The following TMEM117 variants were observed in gnomAD, a reference collection of about 807,000 sequenced individuals.
The protein encoded by TMEM117 is transmembrane protein 117.
Under a neutral mutation model 52.4 loss-of-function variants are expected in TMEM117, and 27 were observed. That is an observed-to-expected ratio of 0.51 (90% confidence interval 0.38 to 0.71). TMEM117 has a LOEUF of 0.71. Ranked by LOEUF, TMEM117 falls within the 30% of genes least tolerant of loss-of-function variation. The probability of loss-of-function intolerance (pLI) is 0.00; values close to 1 mark genes in which losing one functional copy is unlikely to be tolerated. For missense variants in TMEM117, 556 were observed against 630.5 expected, an observed-to-expected ratio of 0.88 and a Z score of 1.26; for synonymous variants, 215 against 206.3, an observed-to-expected ratio of 1.04 and a Z score of -0.36.
At chr12:44,028,727 C>G (rs1026954136) in intron 3 of TMEM117, among the ~76,000 whole-genome samples, 1 of 152,174 alleles carries the variant, frequency 6.6e-6, no homozygotes, top group African/African-American at 2.4e-5. Context: ...ACCAGCAGCC[C>G]TTGGGACTGC....
At chr12:44,350,182 T>A (rs1951542158) in intron 6 of TMEM117, among the ~76,000 whole-genome samples, 1 of 152,004 alleles carries the variant, frequency 6.6e-6, no homozygotes, top group African/African-American at 2.4e-5. Context: ...TACATACTCT[T>A]TAATTTTTAA....
chr12:44,210,725 G>A (rs770587986), intron 4 of TMEM117, among the ~76,000 whole-genome samples: 1 of 152,144 alleles, frequency 6.6e-6, no homozygotes, highest in Non-Finnish European at 1.5e-5. Flanking sequence ...GGCCTCGGAA[G>A]ATGGGCAGAA....
Position 44,388,757 on chromosome 12 carries a change from G to T in TMEM117, c.*85G>T, listed in dbSNP as rs914660803. On this transcript the variant is annotated 3_prime_UTR_variant, in exon 8 of 8. Transcript: ENST00000266534. ...TAGTCTTTCCTTTTGTATATGTAAG[G>T]TTTACGTAGTGTTAGGTAAAAATAT... 7.0e-7 allele frequency: 1 copy of T among 1,435,544 alleles called. No homozygotes were observed. The highest frequency in any genetic ancestry group is 1.4e-5 in the African/African-American group (1 of 70,068). The allele number at this position is 1,435,544 out of a possible 1,614,324, so 88.9% of individuals were successfully genotyped here.
intron 3 of TMEM117, among the ~76,000 whole-genome samples, chr12:44,021,191 A>C (rs746263643): frequency 1.7e-4 from 26 of 152,116 alleles, no homozygotes; most frequent in Non-Finnish European, 3.2e-4. Context: ...TTTGTTGTAC[A>C]GATTATTTCA....
chr12:44,373,904 C>T (rs1391620925), intron 6 of TMEM117, among the ~76,000 whole-genome samples: 2 of 150,762 alleles, frequency 1.3e-5, no homozygotes, highest in Non-Finnish European at 2.9e-5. Flanking sequence ...GCCTCAGCCT[C>T]CAGAGTAGCT....
intron 5 of TMEM117, among the ~76,000 whole-genome samples, chr12:44,249,856 G>T (rs766334259): frequency 2.0e-5 from 3 of 152,190 alleles, no homozygotes; most frequent in Non-Finnish European, 4.4e-5. Flanking sequence ...ATGGATTAAA[G>T]ACTTAATTGT....
At position 44,211,319 on chromosome 12, in the gene TMEM117, C is replaced by G; in HGVS notation, c.540C>G (p.Pro180=). The change falls in exon 5 of 8, where the codon CCC becomes CCG. Residue 180 remains proline, a synonymous_variant. Transcript: ENST00000266534. ...CTGATATGATGCTTCAGGACAAACC[C>G]TATCCTGACTGGGGAAAATCAGCAA... ...MVTDMMLQDK[P]YPDWGKSARA... is the part of the protein sequence containing the mutation. 1 of 1,612,216 alleles carries G rather than the reference C, an allele frequency of 6.2e-7. No individual in the cohort carries two copies. Among genetic ancestry groups the G allele is most frequent in the Non-Finnish European group, 8.5e-7 (1 of 1,178,992 alleles).
At chr12:44,390,199 G>GACACACACACACACAC (rs58917894), downstream of TMEM117, among the ~76,000 whole-genome samples, 4 of 143,690 alleles carry the variant, frequency 2.8e-5, no homozygotes, top group Non-Finnish European at 6.2e-5. Context: ...AAACATATCT[G>GACACACACACACACAC]ACACACACAC....
intron 3 of TMEM117, chr12:44,010,285 T>C: frequency 2.2e-6 from 1 of 454,848 alleles, no homozygotes; most frequent in Middle Eastern, 3.3e-4. Flanking sequence ...CTGGCTTCCC[T>C]GGAGGCCACT....
chr12:43,804,195 C>G, the TMEM117 span: 1 of 445,752 alleles, frequency 2.2e-6, no homozygotes, highest in Non-Finnish European at 4.4e-6. Context: ...GATTTCCATT[C>G]CAGAGATGGA....
intron 2 of TMEM117, among the ~76,000 whole-genome samples, chr12:43,879,401 T>A (rs1472230022): frequency 6.6e-6 from 1 of 152,230 alleles, no homozygotes; most frequent in Non-Finnish European, 1.5e-5. Context: ...ACTCCATTGC[T>A]CCCTGTTGGT....
At chr12:43,969,156 A>G (rs929845611) in intron 3 of TMEM117, among the ~76,000 whole-genome samples, 1 of 151,988 alleles carries the variant, frequency 6.6e-6, no homozygotes, top group Non-Finnish European at 1.5e-5. Flanking sequence ...TCAAGAAAAG[A>G]TAGAAGCAAA....
intron 5 of TMEM117, among the ~76,000 whole-genome samples, chr12:44,290,552 C>A (rs1467950686): frequency 6.6e-6 from 1 of 152,154 alleles, no homozygotes; most frequent in Admixed American, 6.5e-5. Flanking sequence ...CTATGTATCT[C>A]ATTTTTATGC....
chr12:43,803,346 G>T, the TMEM117 span, among the ~76,000 whole-genome samples: 1 of 152,126 alleles, frequency 6.6e-6, no homozygotes, highest in African/African-American at 2.4e-5. Flanking sequence ...CCAGGGTAAG[G>T]AGGTCAGAAG....
chr12:44,236,383 T>C (rs577880572), intron 5 of TMEM117, among the ~76,000 whole-genome samples: 3 of 152,126 alleles, frequency 2.0e-5, no homozygotes, highest in African/African-American at 7.2e-5. Context: ...CTAGTTAGTT[T>C]TCTTTTCTTC....
intron 3 of TMEM117, among the ~76,000 whole-genome samples, chr12:44,092,427 G>T (rs1311231955): frequency 6.6e-6 from 1 of 152,104 alleles, no homozygotes; most frequent in Admixed American, 6.5e-5. Flanking sequence ...AGAACTAGGG[G>T]CTTTCCTAAG....
At chr12:43,825,811 A>C in the TMEM117 span, among the ~76,000 whole-genome samples, 1 of 152,170 alleles carries the variant, frequency 6.6e-6, no homozygotes, top group African/African-American at 2.4e-5. Flanking sequence ...TTTGTTTGTT[A>C]ACACCCACCT....
the TMEM117 span, among the ~76,000 whole-genome samples, chr12:43,825,761 C>T: frequency 6.6e-6 from 1 of 152,096 alleles, no homozygotes; most frequent in Non-Finnish European, 1.5e-5. Context: ...TATGAAACTC[C>T]ACCTCAAGAG....
intron 4 of TMEM117, among the ~76,000 whole-genome samples, chr12:44,168,683 T>C (rs550139038): frequency 4.2e-4 from 64 of 152,328 alleles, no homozygotes; most frequent in Non-Finnish European, 7.9e-4. Context: ...TGAGCTAAAA[T>C]ATATTTTTTT....
Sources: allele counts gnomAD v4.1 joint callset (sites outside exome capture counted in the v4.1 genomes callset), GRCh38; gene constraint gnomAD v4.1.1; transcripts MANE v1.5; gene names NCBI Gene and HGNC (gene_info 2026-07-23, HGNC 2026-07-21).